Variants in TENT5C observed in about 807,000 individuals in gnomAD.
TENT5C encodes terminal nucleotidyltransferase 5C, also known as family with sequence similarity 46 member C.
A neutral mutation model predicts 22.2 loss-of-function variants in TENT5C; 5 were observed. The ratio of observed to expected loss-of-function variants is 0.22; its 90% CI spans 0.12 to 0.47. The LOEUF (loss-of-function observed/expected upper bound fraction) is 0.47. Among genes scored for constraint, TENT5C ranks in the 20% least tolerant of loss-of-function variants. The probability of loss-of-function intolerance (pLI) is 0.99; values close to 1 mark genes in which losing one functional copy is unlikely to be tolerated. For synonymous variants in TENT5C, 199 were observed against 195.4 expected (o/e 1.02, Z -0.15); for missense variants, 364 against 500.9 (o/e 0.73, Z 2.61).
rs200053533 is a variant in TENT5C at position 117,627,748 on chromosome 1, AG to A, written c.*3710del. 4.4e-3 allele frequency: 1,100 copies of A among 247,494 alleles called. 8 individuals are homozygous for A. Among genetic ancestry groups the A allele is most frequent in the African/African-American group, 0.023 (1,019 of 45,262 alleles). The allele number at this position is 247,494 out of a possible 1,614,324, so 15.3% of individuals were successfully genotyped here. ...AAATCAGAGGACCAAGTCGTGGGGG[AG>A]GGGGGCGGTGTTGAGGAGAGGTATT... On this transcript the variant is annotated 3_prime_UTR_variant, in exon 2 of 2. Transcript: ENST00000369448.
At chr1:117,610,177 T>A (rs1653634369) in intron 1 of TENT5C, among the ~76,000 whole-genome samples, 1 of 152,140 alleles carries the variant, frequency 6.6e-6, no homozygotes, top group South Asian at 2.1e-4. Context: ...AGGAACTTGA[T>A]GAGGGCAGTA....
Position 117,623,673 on chromosome 1 carries a change from T to G in TENT5C, c.805T>G (p.Tyr269Asp). The G allele has an allele frequency of 1.2e-6, 2 of 1,614,046 alleles. No homozygotes were observed. Among genetic ancestry groups the G allele is most frequent in the Non-Finnish European group, 1.7e-6 (2 of 1,180,008 alleles). Residue 269 changes from tyrosine to aspartate, a missense_variant, in exon 2 of 2, where the codon TAC (tyrosine) becomes GAC (aspartate). Tyr to Asp is a radical substitution (Grantham distance 160, BLOSUM62 -3). This residue lies in a region of TENT5C where 303 missense variants were observed against 394.5 expected (regional missense o/e 0.77). Coordinates refer to ENST00000369448, the MANE Select transcript of TENT5C (RefSeq NM_017709.4). Reference sequence around the variant, plus strand: ...GGAAGAAATCAAAACTCTAGAGCGCTACATGTGCTCCAGGTTCTTCATCGA... The same window carrying G: ...GGAAGAAATCAAAACTCTAGAGCGCGACATGTGCTCCAGGTTCTTCATCGA... ...DQEEIKTLER[Y>D]MCSRFFIDFP...
chr1:117,611,416 C>T (rs1209454487), intron 1 of TENT5C, among the ~76,000 whole-genome samples: 2 of 152,208 alleles, frequency 1.3e-5, no homozygotes, highest in Non-Finnish European at 2.9e-5. Flanking sequence ...GGCTCTGGTC[C>T]TGGCAGAGCC....
chr1:117,624,087 C>G lies in TENT5C; in HGVS notation c.*43C>G, dbSNP rs756690771. 78 of 1,520,582 alleles carry G rather than the reference C, an allele frequency of 5.1e-5. No individual in the cohort carries two copies. The highest frequency in any genetic ancestry group is 6.6e-5 in the Non-Finnish European group (74 of 1,121,154). 94.2% of individuals were successfully genotyped at this position (1,520,582 alleles called of 1,614,324 possible). A position where few individuals can be genotyped will look rare whatever the true frequency, so the allele number is the denominator to read the frequency against. The stretch of plus-strand genomic sequence containing the variant: ...TTCCACAGTGGGAACCCCAATAGGG[C>G]TAGGGCTCTCAGGTAGGGGAGCCTC... On this transcript the variant is annotated 3_prime_UTR_variant, in exon 2 of 2. Coordinates refer to ENST00000369448, the MANE Select transcript of TENT5C (RefSeq NM_017709.4).
In TENT5C at chr1:117,623,682, T is replaced by C; in HGVS notation, c.814T>C (p.Ser272Pro). ...EIKTLERYMC[S>P]RFFIDFPDIL... is the part of the protein sequence containing the mutation. The stretch of plus-strand genomic sequence containing the variant: ...CAAAACTCTAGAGCGCTACATGTGC[T>C]CCAGGTTCTTCATCGACTTCCCGGA... The change falls in exon 2 of 2, where the codon TCC (serine) becomes CCC (proline). Residue 272 changes from serine to proline, a missense_variant. By Grantham distance (74) the Ser-to-Pro change is moderately conservative (BLOSUM62 -1). Around this residue, in one of 3 missense-constraint regions of TENT5C, gnomAD observed 303 missense variants for 394.5 expected, o/e 0.77. Coordinates refer to ENST00000369448, the MANE Select transcript of TENT5C (RefSeq NM_017709.4). 1 of 1,614,046 alleles carries C rather than the reference T, an allele frequency of 6.2e-7. No individual in the cohort carries two copies. The highest frequency in any genetic ancestry group is 8.5e-7 in the Non-Finnish European group (1 of 1,180,028).
At chr1:117,606,870 T>C (rs574502257) in intron 1 of TENT5C, among the ~76,000 whole-genome samples, 76 of 152,318 alleles carry the variant, frequency 5.0e-4, no homozygotes, top group Admixed American at 2.5e-3. Flanking sequence ...GCGCTGCGCG[T>C]CTCTCAGAAA....
At chr1:117,618,260 A>C (rs1054479754) in intron 1 of TENT5C, among the ~76,000 whole-genome samples, 2 of 152,218 alleles carry the variant, frequency 1.3e-5, no homozygotes, top group African/African-American at 4.8e-5. Flanking sequence ...CCAGCAACCA[A>C]CTTAACAGTA....
intron 1 of TENT5C, among the ~76,000 whole-genome samples, chr1:117,607,772 G>A (rs896700290): frequency 1.3e-5 from 2 of 152,166 alleles, no homozygotes; most frequent in Non-Finnish European, 2.9e-5. Context: ...AGCCACGTTA[G>A]GCCCTGCAGT....
rs2101080217 is a variant in TENT5C at position 117,623,525 on chromosome 1, T to A, written c.657T>A (p.Phe219Leu). 1.9e-6 allele frequency: 3 copies of A among 1,613,834 alleles called. No homozygotes were observed. Among genetic ancestry groups the A allele is most frequent in the Non-Finnish European group, 2.5e-6 (3 of 1,179,974 alleles). ...TTGGGGAGAGCATGTACGGGGACTT[T>A]GAGGAAGCTTTTGACCATCTGCAGA... The part of the protein sequence containing the change: ...TVIGESMYGD[F>L]EEAFDHLQNR... The change falls in exon 2 of 2, where the codon TTT (phenylalanine) becomes TTA (leucine). Residue 219 changes from phenylalanine to leucine, a missense_variant. By Grantham distance (22) the Phe-to-Leu change is conservative (BLOSUM62 0). Coordinates refer to ENST00000369448, the MANE Select transcript of TENT5C (RefSeq NM_017709.4).
At chr1:117,619,961 A>G (rs78882008) in intron 1 of TENT5C, among the ~76,000 whole-genome samples, 2,517 of 152,210 alleles carry the variant, frequency 0.017, 75 homozygotes, top group African/African-American at 0.058. Context: ...ATTTTTCACA[A>G]TGTTTTCTGG....
chr1:117,622,774 TGAGTTCCTC>T, intron 1 of TENT5C, 59 bp from the exon 2 acceptor site: 2 of 1,040,318 alleles, frequency 1.9e-6, no homozygotes, highest in South Asian at 3.1e-5. Flanking sequence ...TTAAACAGTG[TGAGTTCCTC>T]GAGCTGCTTT....
At chr1:117,612,625 A>G (rs1224908149) in intron 1 of TENT5C, among the ~76,000 whole-genome samples, 1 of 152,218 alleles carries the variant, frequency 6.6e-6, no homozygotes. Context: ...CGGAACCTGC[A>G]ACTTGAATGC....
At chr1:117,606,216 G>C (rs574518184) in intron 1 of TENT5C, 63 bp downstream of exon 1, 1 of 152,070 alleles carries the variant, frequency 6.6e-6, no homozygotes. Flanking sequence ...AGGGAGCCGC[G>C]AGCTCACTTA....
chr1:117,607,319 C>T (rs1279204693), intron 1 of TENT5C, among the ~76,000 whole-genome samples: 2 of 152,194 alleles, frequency 1.3e-5, no homozygotes, highest in East Asian at 1.9e-4. Context: ...AGGGCTCTAA[C>T]CAGTTCCCTG....
chr1:117,612,135 G>C (rs1653681913), intron 1 of TENT5C, among the ~76,000 whole-genome samples: 1 of 152,180 alleles, frequency 6.6e-6, no homozygotes, highest in African/African-American at 2.4e-5. Flanking sequence ...GTAGGAAGCA[G>C]GATATCAGCT....
At chr1:117,617,046 G>A (rs937821770) in intron 1 of TENT5C, among the ~76,000 whole-genome samples, 1 of 152,182 alleles carries the variant, frequency 6.6e-6, no homozygotes, top group African/African-American at 2.4e-5. Flanking sequence ...TTGACTGTGT[G>A]CAAATGTTAT....
Position 117,627,037 on chromosome 1 carries a change from C to G in TENT5C, c.*2993C>G, listed in dbSNP as rs748732219. The G allele has an allele frequency of 4.0e-6, 1 of 248,218 alleles. No individual in the cohort carries two copies. The highest frequency in any genetic ancestry group is 8.5e-6 in the Non-Finnish European group (1 of 118,130). The allele number at this position is 248,218 out of a possible 1,614,324, so 15.4% of individuals were successfully genotyped here. On this transcript the variant is annotated 3_prime_UTR_variant, in exon 2 of 2. Transcript: ENST00000369448. ...TCATTCAATAATTTCAATGCTGAAA[C>G]TGAACTCTATTACTAATGCCTTCCA...
At chr1:117,609,524 A>G (rs1262797134) in intron 1 of TENT5C, among the ~76,000 whole-genome samples, 2 of 152,156 alleles carry the variant, frequency 1.3e-5, no homozygotes, top group Admixed American at 6.5e-5. Context: ...TTTCTTGGAG[A>G]ACCGTGATTG....
intron 1 of TENT5C, 79 bp from the exon 2 acceptor site, chr1:117,622,763 A>ATG (rs1653921324): frequency 1.1e-6 from 1 of 936,790 alleles, no homozygotes; most frequent in Non-Finnish European, 1.6e-6. Context: ...ATGTTCAGAG[A>ATG]TTAAACAGTG....
Sources: gnomAD v4.1 joint callset for allele counts (sites outside exome capture counted in the v4.1 genomes callset) on GRCh38, gnomAD v4.1.1 for gene constraint, gnomAD v4.1.1 regional missense constraint, MANE v1.5 for transcripts, NCBI Gene and HGNC (gene_info 2026-07-23, HGNC 2026-07-21) for gene names.